Variants in GALK2 observed in about 807,000 individuals in gnomAD.
The protein encoded by GALK2 is N-acetylgalactosamine kinase.
Under a neutral mutation model 52.4 loss-of-function variants are expected in GALK2, and 36 were observed. That is an observed-to-expected ratio of 0.69 (90% CI 0.53 to 0.91). The LOEUF (loss-of-function observed/expected upper bound fraction) is 0.91. Among genes scored for constraint, GALK2 ranks in the 40% least tolerant of loss-of-function variants. The pLI is 0.00. For missense variants in GALK2, 579 were observed against 559.1 expected (o/e 1.04, Z -0.36); for synonymous variants, 176 against 199.1 (o/e 0.88, Z 0.98).
intron 5 of GALK2, among the ~76,000 whole-genome samples, chr15:49,268,089 C>T (rs2092416433): frequency 6.6e-6 from 1 of 152,102 alleles, no homozygotes; most frequent in Non-Finnish European, 1.5e-5. Context: ...TTCATTTGTT[C>T]ATTCATTCAT....
At chr15:49,345,236 A>G (rs906981996) in intron 3 of GALK2, among the ~76,000 whole-genome samples, 1 of 152,188 alleles carries the variant, frequency 6.6e-6, no homozygotes, top group African/African-American at 2.4e-5. Flanking sequence ...TTTATTTCTT[A>G]TAAATTATTA....
intron 5 of GALK2, among the ~76,000 whole-genome samples, chr15:49,280,970 G>A (rs2032605208): frequency 6.6e-6 from 1 of 152,272 alleles, no homozygotes; most frequent in Middle Eastern, 3.4e-3. Context: ...CTGAGTAGCT[G>A]TGACTACGGG....
intron 3 of GALK2, among the ~76,000 whole-genome samples, chr15:49,230,618 T>G (rs890764618): frequency 9.8e-5 from 15 of 152,338 alleles, no homozygotes; most frequent in African/African-American, 3.6e-4. Flanking sequence ...ACTTCATATT[T>G]TTTTTGATGC....
intron 5 of GALK2, among the ~76,000 whole-genome samples, chr15:49,258,792 A>ATGTGTG (rs758074597): frequency 9.9e-4 from 130 of 130,860 alleles, no homozygotes; most frequent in African/African-American, 3.5e-3. Flanking sequence ...ATATATATAT[A>ATGTGTG]TATGTGTGTG....
chr15:49,281,783 A>G (rs2032735248), intron 5 of GALK2, among the ~76,000 whole-genome samples: 1 of 152,216 alleles, frequency 6.6e-6, no homozygotes, highest in African/African-American at 2.4e-5. Flanking sequence ...ATCTTATTCC[A>G]TACCCATAGC....
intron 9 of GALK2, among the ~76,000 whole-genome samples, chr15:49,322,990 A>G (rs2037027095): frequency 6.6e-6 from 1 of 151,060 alleles, no homozygotes; most frequent in African/African-American, 2.4e-5. Flanking sequence ...AAAAAAAAAA[A>G]GATGTCTGGA....
chr15:49,331,484 C>A lies in GALK2; in HGVS notation c.*3325C>A. 3.3e-6 allele frequency: 1 copy of A among 301,328 alleles called. No individual in the cohort carries two copies. 18.7% of individuals were successfully genotyped at this position (301,328 alleles called of 1,614,324 possible). ...TGTTGAATTATTAATGAAAAACTTA[C>A]AATTTTAAACATCAGTGATTATTAG... On this transcript the variant is annotated 3_prime_UTR_variant, in exon 10 of 10. Transcript: ENST00000560031.
At chr15:49,267,373 AGGGTGGG>A (rs1443699008) in intron 5 of GALK2, among the ~76,000 whole-genome samples, 4 of 152,188 alleles carry the variant, frequency 2.6e-5, no homozygotes, top group Non-Finnish European at 4.4e-5. Flanking sequence ...TCAGATATTG[AGGGTGGG>A]GTGTTCTCAC....
intron 3 of GALK2, among the ~76,000 whole-genome samples, chr15:49,354,970 G>C (rs1211150221): frequency 2.0e-5 from 3 of 151,950 alleles, no homozygotes; most frequent in African/African-American, 7.3e-5. Flanking sequence ...GCACCCCCCA[G>C]CAGGGGCACA....
chr15:49,246,605 T>G (rs998317663), intron 5 of GALK2, among the ~76,000 whole-genome samples: 16 of 152,184 alleles, frequency 1.1e-4, no homozygotes, highest in African/African-American at 3.9e-4. Flanking sequence ...TGTGGATATC[T>G]CTGGCATTTT....
intron 3 of GALK2, among the ~76,000 whole-genome samples, chr15:49,234,959 GT>G (rs915926634): frequency 2.0e-5 from 3 of 151,984 alleles, no homozygotes; most frequent in Non-Finnish European, 2.9e-5. Context: ...TAGAGACAGG[GT>G]TTCACCATAT....
chr15:49,271,911 C>G (rs1410630740), intron 5 of GALK2, among the ~76,000 whole-genome samples: 1 of 152,218 alleles, frequency 6.6e-6, no homozygotes, highest in Non-Finnish European at 1.5e-5. Flanking sequence ...GCAACGTACA[C>G]GTTTTTTAAC....
intron 1 of GALK2, among the ~76,000 whole-genome samples, chr15:49,163,484 A>G (rs571844541): frequency 6.6e-6 from 1 of 152,156 alleles, no homozygotes; most frequent in Non-Finnish European, 1.5e-5. Context: ...TCTGCGATCC[A>G]TTTCAAATTT....
At position 49,253,275 on chromosome 15, in the gene GALK2, A is replaced by G. The variant is rs1185521874; in HGVS notation, c.504+13908A>G. 4.2e-5 allele frequency among the ~76,000 whole-genome samples: 6 copies of G among 143,834 alleles called. 1 individual carries two copies. The allele number at this position is 143,834 out of a possible 152,430, so 94.4% of individuals were successfully genotyped here. Reference sequence around the variant, plus strand: ...TGGACACAGGGAGCCTCATAGACTCAGGGATTTTACTTAGCATCTCTCAGG... The same window carrying G: ...TGGACACAGGGAGCCTCATAGACTCGGGGATTTTACTTAGCATCTCTCAGG... On this transcript the variant is annotated intron_variant, in intron 5 of 9. Transcript: ENST00000560031.
At position 49,289,964 on chromosome 15, in the gene GALK2, A is replaced by G. The variant is rs747100702; in HGVS notation, c.757-2363A>G. 5.9e-5 allele frequency among the ~76,000 whole-genome samples: 9 copies of G among 152,208 alleles called. No individual in the cohort carries two copies. The South Asian group carries it at 6.2e-4, about 10-fold the overall frequency. Reference sequence around the variant, plus strand: ...AGGAACCTCTCAGAAGTGGTATCTGATAGGAATACTTAATGTTTGCCATGG... The same window carrying G: ...AGGAACCTCTCAGAAGTGGTATCTGGTAGGAATACTTAATGTTTGCCATGG... On this transcript the variant is annotated intron_variant, in intron 7 of 9. Coordinates refer to ENST00000560031, the MANE Select transcript of GALK2 (RefSeq NM_002044.4).
chr15:49,229,436 G>A (rs541961792), intron 3 of GALK2, among the ~76,000 whole-genome samples: 10 of 152,328 alleles, frequency 6.6e-5, no homozygotes, highest in African/African-American at 2.4e-4. Context: ...GTTGGTGGCT[G>A]TATTAGGCTG....
intron 1 of GALK2, chr15:49,177,624 G>T: frequency 5.0e-6 from 1 of 199,724 alleles, no homozygotes; most frequent in South Asian, 1.2e-4. Flanking sequence ...TGGAGTTGGA[G>T]AGTATTGTGC....
At chr15:49,218,378 T>A (rs984803480) in intron 3 of GALK2, among the ~76,000 whole-genome samples, 3 of 152,238 alleles carry the variant, frequency 2.0e-5, no homozygotes, top group African/African-American at 7.2e-5. Context: ...TTTGTCATCT[T>A]GATTTAGTAA....
chr15:49,333,371 T>A (rs10438273), downstream of GALK2, among the ~76,000 whole-genome samples: 1 of 152,284 alleles, frequency 6.6e-6, no homozygotes, highest in African/African-American at 2.4e-5. Flanking sequence ...TATCCAAATA[T>A]GTATGTTTCA....
Sources: allele counts gnomAD v4.1 joint callset (sites outside exome capture counted in the v4.1 genomes callset), GRCh38; gene constraint gnomAD v4.1.1; transcripts MANE v1.5; gene names NCBI Gene and HGNC (gene_info 2026-07-23, HGNC 2026-07-21).